The following NIPA1 variants were observed in gnomAD, a reference collection of about 807,000 sequenced individuals.
NIPA1 encodes magnesium transporter NIPA1.
In NIPA1, 13 loss-of-function variants were observed where a neutral mutation model predicts 23.9. That is an observed-to-expected ratio of 0.54 (90% CI 0.35 to 0.87). NIPA1 has a LOEUF of 0.87. Among genes scored for constraint, NIPA1 ranks in the 40% least tolerant of loss-of-function variants. The pLI, the probability that NIPA1 is intolerant of heterozygous loss-of-function variation, is 0.01. For synonymous variants in NIPA1, 234 were observed against 202.9 expected, an observed-to-expected ratio of 1.15 and a Z score of -1.30; for missense variants, 362 against 429.7, an observed-to-expected ratio of 0.84 and a Z score of 1.39.
chr15:22,799,139 G>A (rs1176997823), intron 1 of NIPA1, among the ~76,000 whole-genome samples: 4 of 152,148 alleles, frequency 2.6e-5, no homozygotes, highest in Admixed American at 2.0e-4. Context: ...TATGTTTACT[G>A]TGGCACTACT....
In NIPA1 at chr15:22,829,212, A is replaced by G. The variant is rs1036643320; in HGVS notation, c.*4973A>G. On this transcript the variant is annotated 3_prime_UTR_variant, in exon 5 of 5. Coordinates refer to ENST00000337435, the MANE Select transcript of NIPA1 (RefSeq NM_144599.5). ...CTCCTGACATTCGGCCGAGGTCTGTATTCTGAAAAAGATTTAATGGCCTGT... is the reference window on the plus strand; with the variant it reads ...CTCCTGACATTCGGCCGAGGTCTGTGTTCTGAAAAAGATTTAATGGCCTGT... 2 of 152,172 alleles carry G rather than the reference A, an allele frequency of 1.3e-5. No individual in the cohort carries two copies. Among genetic ancestry groups the G allele is most frequent in the Non-Finnish European group, 2.9e-5 (2 of 68,040 alleles). The allele number at this position is 152,172 out of a possible 1,614,324, so 9.4% of individuals were successfully genotyped here.
rs903689729 is a variant in NIPA1, at chr15:22,828,895, G to A, written c.*4656G>A. 2 of 152,586 alleles carry A rather than the reference G, an allele frequency of 1.3e-5. No individual in the cohort carries two copies. Among genetic ancestry groups the A allele is most frequent in the African/African-American group, 4.8e-5 (2 of 41,414 alleles). 9.5% of individuals were successfully genotyped at this position (152,586 alleles called of 1,614,324 possible). On this transcript the variant is annotated 3_prime_UTR_variant, in exon 5 of 5. Transcript: ENST00000337435. The stretch of plus-strand genomic sequence containing the variant: ...CACCGGCACTTTCAGCAGTGTTCTG[G>A]TGGCCTGAGATGAGAGCACCGTGTT...
chr15:22,810,204 G>C (rs961777817), intron 1 of NIPA1, among the ~76,000 whole-genome samples: 1 of 152,310 alleles, frequency 6.6e-6, no homozygotes, highest in African/African-American at 2.4e-5. Context: ...GGGGTAACCT[G>C]AGAGGATGCC....
intron 1 of NIPA1, among the ~76,000 whole-genome samples, chr15:22,800,415 T>G (rs1286658410): frequency 1.3e-5 from 2 of 152,150 alleles, no homozygotes; most frequent in Non-Finnish European, 2.9e-5. Flanking sequence ...TCTTGCAAGT[T>G]TTGCCCAGTT....
At chr15:22,790,992 G>T (rs1439014523) in intron 1 of NIPA1, among the ~76,000 whole-genome samples, 1 of 152,060 alleles carries the variant, frequency 6.6e-6, no homozygotes, top group Non-Finnish European at 1.5e-5. Flanking sequence ...TTAAATTTTT[G>T]GATGGATTTA....
At position 22,790,407 on chromosome 15, in the gene NIPA1, C is replaced by T. The variant is rs560741296; in HGVS notation, c.178+3573C>T. Among the ~76,000 whole-genome samples, 31 of 148,706 alleles carry T rather than the reference C, an allele frequency of 2.1e-4. No homozygotes were observed. The South Asian group carries it at 3.4e-3, about 16-fold the overall frequency. Reference sequence around the variant, plus strand: ...TCCTGACCTTGTGATCCTCCCGCCTCGGCCTCCCAAAGTGCTTTTTTTTTT... The same window carrying T: ...TCCTGACCTTGTGATCCTCCCGCCTTGGCCTCCCAAAGTGCTTTTTTTTTT... On this transcript the variant is annotated intron_variant, in intron 1 of 4. Coordinates refer to ENST00000337435, the MANE Select transcript of NIPA1 (RefSeq NM_144599.5).
chr15:22,819,568 AG>A (rs1361633156), intron 3 of NIPA1, among the ~76,000 whole-genome samples: 2 of 152,200 alleles, frequency 1.3e-5, no homozygotes, highest in Non-Finnish European at 2.9e-5. Context: ...TCAGTATTAG[AG>A]GAAATAGCCA....
At chr15:22,822,908 G>GTTTTT (rs59308538) in intron 4 of NIPA1, among the ~76,000 whole-genome samples, 1 of 91,442 alleles carries the variant, frequency 1.1e-5, no homozygotes, top group Non-Finnish European at 2.0e-5. Context: ...GCTGTAAATG[G>GTTTTT]TTTTTTTTTT....
intron 1 of NIPA1, among the ~76,000 whole-genome samples, chr15:22,791,158 G>A (rs1882142661): frequency 6.6e-6 from 1 of 152,084 alleles, no homozygotes; most frequent in African/African-American, 2.4e-5. Flanking sequence ...GTGGTCACTG[G>A]CGAAGTATGA....
chr15:22,786,581 G>T, upstream of NIPA1: 1 of 392,658 alleles, frequency 2.5e-6, no homozygotes, highest in Non-Finnish European at 3.5e-6. Flanking sequence ...CCCCGCCCGC[G>T]CCTCCCGGTC....
At chr15:22,822,566 C>G (rs552094030) in intron 4 of NIPA1, among the ~76,000 whole-genome samples, 28 of 152,302 alleles carry the variant, frequency 1.8e-4, no homozygotes, top group African/African-American at 6.5e-4. Flanking sequence ...CAGTGGCTCA[C>G]GCCTGTAATC....
chr15:22,787,314 C>T (rs1322285897), intron 1 of NIPA1, among the ~76,000 whole-genome samples: 4 of 152,200 alleles, frequency 2.6e-5, no homozygotes, highest in Non-Finnish European at 5.9e-5. Context: ...CTAGGGTACG[C>T]TCGGTAGAGC....
intron 3 of NIPA1, among the ~76,000 whole-genome samples, chr15:22,817,499 C>CAAAA (rs60309093): frequency 4.1e-5 from 5 of 123,014 alleles, no homozygotes; most frequent in African/African-American, 1.3e-4. Context: ...AACTCCGTCT[C>CAAAA]AAAAAAAAAA....
chr15:22,795,240 G>A (rs1044612220), intron 1 of NIPA1, among the ~76,000 whole-genome samples: 2 of 152,048 alleles, frequency 1.3e-5, no homozygotes, highest in Admixed American at 6.6e-5. Flanking sequence ...TGAATGGCTC[G>A]CAGCCTGTGC....
In NIPA1 at chr15:22,824,532, A is replaced by G. The variant is rs534561995; in HGVS notation, c.*293A>G. 1.0e-4 allele frequency: 41 copies of G among 391,880 alleles called. No homozygotes were observed. In the East Asian group the frequency reaches 2.0e-3, roughly 19 times the overall value. 24.3% of individuals were successfully genotyped at this position (391,880 alleles called of 1,614,324 possible). On this transcript the variant is annotated 3_prime_UTR_variant, in exon 5 of 5. Transcript: ENST00000337435. The surrounding 1 kb of genome is among the most constrained non-coding windows in gnomAD (Gnocchi z 4.1). ...TTTCATGAATATTCTCTTCTTTTAA[A>G]ACATTTTAACATTATTTAAACAGAA...
At chr15:22,808,860 G>A (rs1204018154) in intron 1 of NIPA1, among the ~76,000 whole-genome samples, 2 of 151,874 alleles carry the variant, frequency 1.3e-5, no homozygotes, top group Non-Finnish European at 2.9e-5. Flanking sequence ...TGTAGAGATA[G>A]AGTCTTGCTA....
chr15:22,798,919 T>G (rs1566779013), intron 1 of NIPA1, among the ~76,000 whole-genome samples: 2 of 144,672 alleles, frequency 1.4e-5, no homozygotes, highest in African/African-American at 5.1e-5. Context: ...AGTTAATGAA[T>G]CCCATGTACA....
chr15:22,788,014 C>T (rs1406646329), intron 1 of NIPA1, among the ~76,000 whole-genome samples: 1 of 152,140 alleles, frequency 6.6e-6, no homozygotes, highest in Non-Finnish European at 1.5e-5. Flanking sequence ...ATGTGTCTGT[C>T]TCTAAGGCAC....
intron 3 of NIPA1, among the ~76,000 whole-genome samples, chr15:22,814,676 G>A (rs1024499076): frequency 1.3e-5 from 2 of 152,190 alleles, no homozygotes; most frequent in African/African-American, 2.4e-5. Flanking sequence ...CTGTAATAGT[G>A]TAATGTATGA....
Sources: allele counts gnomAD v4.1 joint callset (sites outside exome capture counted in the v4.1 genomes callset), GRCh38; gene constraint gnomAD v4.1.1; non-coding constraint Gnocchi (gnomAD v3.1); transcripts MANE v1.5; gene names NCBI Gene and HGNC (gene_info 2026-07-23, HGNC 2026-07-21).